Variants in RELN observed in about 807,000 individuals in gnomAD.
RELN encodes the protein reelin.
RELN carries 108 observed loss-of-function variants against 427.6 expected under a neutral mutation model. That is an observed-to-expected ratio of 0.25 (90% confidence interval 0.22 to 0.30). RELN has a LOEUF of 0.30. Among genes scored for constraint, RELN ranks in the 10% least tolerant of loss-of-function variants. The pLI is 1.00. For missense variants in RELN, 3,715 were observed against 4,302.8 expected, an observed-to-expected ratio of 0.86 and a Z score of 3.82; for synonymous variants, 1,524 against 1,513.4, an observed-to-expected ratio of 1.01 and a Z score of -0.16.
At chr7:103,698,307 T>C (rs554696407) in intron 9 of RELN, among the ~76,000 whole-genome samples, 2 of 152,280 alleles carry the variant, frequency 1.3e-5, no homozygotes, top group East Asian at 3.9e-4. Context: ...ATTAAATACC[T>C]ACAAAAGGTT....
At chr7:103,577,917 G>A (rs2117213716) in intron 28 of RELN, among the ~76,000 whole-genome samples, 1 of 152,290 alleles carries the variant, frequency 6.6e-6, no homozygotes. Context: ...AAAGAGAAAG[G>A]AAAACTTCTT....
In RELN at chr7:103,472,374, C is replaced by A; in HGVS notation, c.*438G>T. The A allele has an allele frequency of 4.6e-6, 1 of 217,704 alleles. No individual in the cohort carries two copies. Among genetic ancestry groups the A allele is most frequent in the South Asian group, 7.2e-5 (1 of 13,812 alleles). The allele number at this position is 217,704 out of a possible 1,614,324, so 13.5% of individuals were successfully genotyped here. ...ATTGTAGAAGAGAATACATAAAGGA[C>A]AAACAATGATAATTTAATCATATAA... On this transcript the variant is annotated 3_prime_UTR_variant, in exon 65 of 65. Transcript: ENST00000428762.
intron 1 of RELN, among the ~76,000 whole-genome samples, chr7:103,940,213 T>C (rs1796082755): frequency 6.6e-6 from 1 of 152,162 alleles, no homozygotes; most frequent in Non-Finnish European, 1.5e-5. Flanking sequence ...CAAGACCAAG[T>C]TTCACTACTT....
At chr7:103,481,284 G>C in intron 63 of RELN, among the ~76,000 whole-genome samples, 1 of 152,160 alleles carries the variant, frequency 6.6e-6, no homozygotes, top group South Asian at 2.1e-4. Context: ...ACTCAAATGT[G>C]TGATATGTTA....
chr7:103,975,603 T>C (rs1393696500), intron 1 of RELN, among the ~76,000 whole-genome samples: 1 of 151,528 alleles, frequency 6.6e-6, no homozygotes, highest in African/African-American at 2.4e-5. Context: ...GCTGGAGTAG[T>C]GGTGCAATCT....
At chr7:103,954,100 A>T (rs1307706767) in intron 1 of RELN, among the ~76,000 whole-genome samples, 1 of 147,928 alleles carries the variant, frequency 6.8e-6, no homozygotes, top group African/African-American at 2.5e-5. Flanking sequence ...AAATAAAATT[A>T]AAAAAAAAAA....
chr7:103,754,488 T>G (rs1226625109), intron 4 of RELN, among the ~76,000 whole-genome samples: 1 of 151,860 alleles, frequency 6.6e-6, no homozygotes, highest in Non-Finnish European at 1.5e-5. Flanking sequence ...AGGTATAAAG[T>G]GAGGCTGAGA....
Position 103,650,300 on chromosome 7 carries a change from A to C in RELN, c.1976T>G (p.Leu659Arg). The C allele has an allele frequency of 6.2e-7, 1 of 1,610,244 alleles. No individual in the cohort carries two copies. Among genetic ancestry groups the C allele is most frequent in the Non-Finnish European group, 8.5e-7 (1 of 1,176,790 alleles). ...RIRWRQTGPI[L>R]GNMWAIDNVY... is the part of the protein sequence containing the mutation. ...ATTATCAATTGCCCACATGTTTCCA[A>C]GGATTGGTCCTGTTTGTCTCCAGCG... Residue 659 changes from leucine to arginine, a missense_variant, in exon 16 of 65, where the codon CTT becomes CGT. Leu to Arg is a moderately radical substitution (Grantham distance 102). Around this residue, in one of 4 missense-constraint regions of RELN, gnomAD observed 2,208 missense variants for 2,361.7 expected, o/e 0.93. Coordinates refer to ENST00000428762, the MANE Select transcript of RELN (RefSeq NM_005045.4).
intron 2 of RELN, among the ~76,000 whole-genome samples, chr7:103,885,885 A>G (rs1193759314): frequency 1.3e-5 from 2 of 152,172 alleles, no homozygotes; most frequent in African/African-American, 4.8e-5. Context: ...GAAGTGTCCA[A>G]CCTAAAGTGC....
intron 46 of RELN, among the ~76,000 whole-genome samples, chr7:103,534,366 T>C (rs1453585671): frequency 2.6e-5 from 4 of 152,244 alleles, no homozygotes; most frequent in African/African-American, 9.6e-5. Context: ...GAGAGTGTCA[T>C]GTAACACTAT....
At chr7:103,843,441 T>G (rs546272598) in intron 2 of RELN, among the ~76,000 whole-genome samples, 2 of 152,292 alleles carry the variant, frequency 1.3e-5, no homozygotes, top group East Asian at 3.9e-4. Flanking sequence ...CAGGTTCCAC[T>G]ACATTGTCTG....
At chr7:103,729,390 G>A (rs550235901) in intron 6 of RELN, among the ~76,000 whole-genome samples, 8 of 152,262 alleles carry the variant, frequency 5.3e-5, no homozygotes, top group East Asian at 3.9e-4. Flanking sequence ...AACACTGCAC[G>A]TCAAAAATTG....
chr7:103,491,849 C>G, intron 58 of RELN, 104 bp downstream of exon 58: 1 of 565,248 alleles, frequency 1.8e-6, no homozygotes, highest in Non-Finnish European at 3.0e-6. Flanking sequence ...CTCTCTCTCT[C>G]TCTCTCTCAC....
At chr7:103,825,894 T>G (rs1793126251) in intron 3 of RELN, among the ~76,000 whole-genome samples, 1 of 152,092 alleles carries the variant, frequency 6.6e-6, no homozygotes, top group Non-Finnish European at 1.5e-5. Flanking sequence ...TGTGCCTGTA[T>G]GTGTGCTATG....
At chr7:103,548,199 T>G (rs1687913293) in intron 41 of RELN, among the ~76,000 whole-genome samples, 1 of 152,222 alleles carries the variant, frequency 6.6e-6, no homozygotes, top group Non-Finnish European at 1.5e-5. Context: ...AGTTATTCTT[T>G]GAATGTAAAT....
At chr7:103,869,611 T>G (rs1295407471) in intron 2 of RELN, among the ~76,000 whole-genome samples, 1 of 152,120 alleles carries the variant, frequency 6.6e-6, no homozygotes. Flanking sequence ...CCATTGTTTC[T>G]GATACGAAAT....
rs1830643936 is a variant in RELN, at chr7:103,561,640, ATCG to A, written c.5418_5420del (p.Asp1807del). 6.2e-7 allele frequency: 1 copy of A among 1,613,892 alleles called. No homozygotes were observed. The highest frequency in any genetic ancestry group is 8.5e-7 in the Non-Finnish European group (1 of 1,179,946). ...GGTCAGGATGTAAATTCCCATTGAA[ATCG>A]TCTTTAAGAATCGAGGGCAGAGGAA... On this transcript the variant is annotated inframe_deletion, in exon 36 of 65. Coordinates refer to ENST00000428762, the MANE Select transcript of RELN (RefSeq NM_005045.4).
chr7:103,776,551 G>A lies in RELN; in HGVS notation c.544+6C>T, dbSNP rs537314807. 8.1e-6 allele frequency: 13 copies of A among 1,613,920 alleles called. No individual in the cohort carries two copies. Among genetic ancestry groups the A allele is most frequent in the South Asian group, 5.5e-5 (5 of 91,080 alleles). On this transcript the variant is annotated splice_donor_region_variant and intron_variant, in intron 4 of 64. Transcript: ENST00000428762. ...ATAACACAAACAAATCAAATGTGAC[G>A]CTTACCTCCTTGTTCACACAACTGC...
chr7:103,959,265 G>A (rs1347836289), intron 1 of RELN, among the ~76,000 whole-genome samples: 1 of 152,046 alleles, frequency 6.6e-6, no homozygotes, highest in Non-Finnish European at 1.5e-5. Flanking sequence ...ATCATACACT[G>A]CTCCTTTCCC....
Sources: allele counts gnomAD v4.1 joint callset (sites outside exome capture counted in the v4.1 genomes callset), GRCh38; gene constraint gnomAD v4.1.1; regional missense constraint gnomAD v4.1.1; transcripts MANE v1.5; gene names NCBI Gene and HGNC (gene_info 2026-07-23, HGNC 2026-07-21).